NEURL1: variants seen among roughly 807,000 people sequenced by gnomAD.
NEURL1 encodes E3 ubiquitin-protein ligase NEURL1.
A neutral mutation model predicts 41.2 loss-of-function variants in NEURL1; 26 were observed. The observed-to-expected ratio is 0.63, with a 90% CI of 0.46 to 0.87. The LOEUF is 0.87. NEURL1 is among the 40% of genes least tolerant of loss of function. NEURL1 has a pLI of 0.00. For missense variants in NEURL1, 761 were observed against 871.1 expected (o/e 0.87, Z 1.59); for synonymous variants, 400 against 402.3 (o/e 0.99, Z 0.07).
chr10:103,585,367 G>A (rs902298463), intron 4 of NEURL1, 142 bp downstream of exon 4: 30 of 771,596 alleles, frequency 3.9e-5, no homozygotes, highest in Non-Finnish European at 4.9e-5. Flanking sequence ...GTGAGTTCTG[G>A]GCGGGACTTG....
intron 1 of NEURL1, among the ~76,000 whole-genome samples, chr10:103,523,101 A>G (rs569462855): frequency 6.6e-6 from 1 of 152,078 alleles, no homozygotes. Context: ...ATGTGTATCA[A>G]CTCAAACACT....
intron 1 of NEURL1, among the ~76,000 whole-genome samples, chr10:103,549,586 G>A (rs182222257): frequency 3.6e-4 from 55 of 152,320 alleles, no homozygotes; most frequent in Middle Eastern, 3.4e-3. Flanking sequence ...GGCCCTGGCA[G>A]GATGGCCATA....
chr10:103,523,511 A>G (rs1592194777), intron 1 of NEURL1, among the ~76,000 whole-genome samples: 1 of 152,082 alleles, frequency 6.6e-6, no homozygotes, highest in Admixed American at 6.6e-5. Context: ...TGTTAGTTAT[A>G]GTCACCCTAT....
chr10:103,503,529 A>G (rs1564802919), intron 1 of NEURL1, among the ~76,000 whole-genome samples: 2 of 152,006 alleles, frequency 1.3e-5, no homozygotes, highest in Non-Finnish European at 2.9e-5. Flanking sequence ...GGATGCACTG[A>G]TGGGGACGGT....
intron 1 of NEURL1, chr10:103,555,255 C>T: frequency 9.6e-7 from 1 of 1,042,166 alleles, no homozygotes; most frequent in Non-Finnish European, 1.2e-6. Context: ...GGGCCTCGGC[C>T]CTGCCATGCC....
chr10:103,577,981 A>G (rs1037089040), intron 3 of NEURL1: 1 of 151,984 alleles, frequency 6.6e-6, no homozygotes, highest in African/African-American at 2.4e-5. Flanking sequence ...CTTGGGCCCA[A>G]GAGATTGTAC....
chr10:103,494,998 T>C (rs759544836), intron 1 of NEURL1, among the ~76,000 whole-genome samples: 1 of 152,158 alleles, frequency 6.6e-6, no homozygotes, highest in Non-Finnish European at 1.5e-5. Context: ...GGTTTTTGCA[T>C]CCATTGAATT....
Position 103,585,039 on chromosome 10 carries a change from G to A in NEURL1, c.1153G>A (p.Ala385Thr). 6.3e-7 allele frequency: 1 copy of A among 1,588,078 alleles called. No individual in the cohort carries two copies. ...EALVDRKEFW[A>T]VCRVPGPLHS... ...CCTGGTGGACCGCAAGGAATTCTGG[G>A]CCGTGTGCCGCGTGCCCGGGCCCCT... The change falls in exon 4 of 6, where the codon GCC (alanine) becomes ACC (threonine). Residue 385 changes from alanine (A) to threonine (T), a missense_variant. Physicochemically the swap from Ala to Thr is moderately conservative, Grantham distance 58. Around this residue, in one of 5 missense-constraint regions of NEURL1, gnomAD observed 443 missense variants for 408.1 expected, o/e 1.09. Transcript: ENST00000369780.
intron 3 of NEURL1, among the ~76,000 whole-genome samples, chr10:103,573,812 C>A (rs2035598837): frequency 6.6e-6 from 1 of 152,198 alleles, no homozygotes. Context: ...TGGCCTCCCT[C>A]ACAGTCCCCA....
rs1423313093 is a variant in NEURL1 at position 103,584,832 on chromosome 10, G to A, written c.946G>A (p.Val316Met). The A allele has an allele frequency of 1.4e-6, 2 of 1,412,028 alleles. No individual in the cohort carries two copies. The highest frequency in any genetic ancestry group is 1.8e-6 in the Non-Finnish European group (2 of 1,091,170). 87.5% of individuals were successfully genotyped at this position (1,412,028 alleles called of 1,614,324 possible). A position where few individuals can be genotyped will look rare whatever the true frequency, so the allele number is the denominator to read the frequency against. ...CCTCGACGAGCAGACGGTGGCGCGC[G>A]TGGAGCACGGGCGCGACGAGCGCGC... ...RILDEQTVAR[V>M]EHGRDERALV... The change falls in exon 4 of 6, where the codon GTG (valine) becomes ATG (methionine). Residue 316 changes from valine to methionine, a missense_variant. Transcript: ENST00000369780.
In NEURL1 at chr10:103,511,097, C is replaced by T. The variant is rs563594782; in HGVS notation, c.85+16625C>T. 1.7e-4 allele frequency among the ~76,000 whole-genome samples: 26 copies of T among 152,278 alleles called. No individual in the cohort carries two copies. In the South Asian group the frequency reaches 3.9e-3, roughly 23 times the overall value. ...CCCTCCTTTGTTTTACCAAAACAGG[C>T]GACAGGATAGGAGTGAGTGGGGGAC... On this transcript the variant is annotated intron_variant, in intron 1 of 5. Coordinates refer to ENST00000369780, the MANE Select transcript of NEURL1 (RefSeq NM_004210.5).
chr10:103,543,592 A>G (rs922481465), intron 1 of NEURL1, among the ~76,000 whole-genome samples: 2 of 152,202 alleles, frequency 1.3e-5, no homozygotes, highest in Admixed American at 6.5e-5. Context: ...AAGGATCTAG[A>G]GATAAAAAGA....
At chr10:103,557,859 C>G (rs1375002660) in intron 1 of NEURL1, among the ~76,000 whole-genome samples, 4 of 152,150 alleles carry the variant, frequency 2.6e-5, no homozygotes. Context: ...TGAAATGGTC[C>G]TTGATTGTAT....
At chr10:103,580,632 A>C (rs1219976367) in intron 3 of NEURL1, among the ~76,000 whole-genome samples, 1 of 152,184 alleles carries the variant, frequency 6.6e-6, no homozygotes, top group Admixed American at 6.5e-5. Flanking sequence ...GCTTCGACAC[A>C]GCTGGGCTCA....
In NEURL1 at chr10:103,545,666, C is replaced by T. The variant is rs2034910169; in HGVS notation, c.86-25206C>T. Among the ~76,000 whole-genome samples the T allele has an allele frequency of 6.6e-6, 1 of 152,222 alleles. No individual in the cohort carries two copies. The highest frequency in any genetic ancestry group is 2.1e-4 in the South Asian group (1 of 4,834). Reference sequence around the variant, plus strand: ...TGGCTGGACTCAAGTCATCTCTCACCTTTGCTGTATGAGAACAGCAGTTCC... The same window carrying T: ...TGGCTGGACTCAAGTCATCTCTCACTTTTGCTGTATGAGAACAGCAGTTCC... On this transcript the variant is annotated intron_variant, in intron 1 of 5. Transcript: ENST00000369780. The surrounding 1 kb of genome is among the most constrained non-coding windows in gnomAD (Gnocchi z 4.5).
intron 1 of NEURL1, among the ~76,000 whole-genome samples, chr10:103,562,951 A>G (rs867973860): frequency 6.6e-6 from 1 of 152,154 alleles, no homozygotes; most frequent in Non-Finnish European, 1.5e-5. Context: ...TCTGTCCCCC[A>G]AGTTCCATCC....
At chr10:103,587,730 A>G (rs557729088) in intron 4 of NEURL1, among the ~76,000 whole-genome samples, 2 of 152,374 alleles carry the variant, frequency 1.3e-5, no homozygotes, top group South Asian at 4.1e-4. Context: ...GAGATGGCTT[A>G]CAGATGTTGT....
rs2035620665 is a variant in NEURL1, at chr10:103,574,697, G to C, written c.649+2875G>C. On this transcript the variant is annotated intron_variant, in intron 3 of 5. Coordinates refer to ENST00000369780, the MANE Select transcript of NEURL1 (RefSeq NM_004210.5). ...ACAGACGGGCTTCCCACCCTCAGGG[G>C]CTGAGGAGGGCTTGGAGAATAATCT... Among the ~76,000 whole-genome samples the C allele has an allele frequency of 2.0e-5, 3 of 152,206 alleles. No individual in the cohort carries two copies. The South Asian group carries it at 6.2e-4, about 32-fold the overall frequency.
intron 1 of NEURL1, among the ~76,000 whole-genome samples, chr10:103,527,504 A>G (rs1293408848): frequency 6.6e-6 from 1 of 152,084 alleles, no homozygotes; most frequent in Non-Finnish European, 1.5e-5. Flanking sequence ...CATGTTGGCC[A>G]GGCTGGTCTT....
Sources: allele counts gnomAD v4.1 joint callset (sites outside exome capture counted in the v4.1 genomes callset), GRCh38; gene constraint gnomAD v4.1.1; regional missense constraint gnomAD v4.1.1; non-coding constraint Gnocchi (gnomAD v3.1); transcripts MANE v1.5; gene names NCBI Gene and HGNC (gene_info 2026-07-23, HGNC 2026-07-21).